FCSK: variants seen among roughly 807,000 people sequenced by gnomAD.
FCSK encodes the protein fucose kinase.
In FCSK, 123 loss-of-function variants were observed where a neutral mutation model predicts 122.5. The observed-to-expected ratio is 1.00, with a 90% CI of 0.87 to 1.17. The LOEUF is 1.17. Ranked by LOEUF, FCSK falls within the 50% of genes most tolerant of loss-of-function variation. FCSK has a pLI of 0.00. For synonymous variants in FCSK, 620 were observed against 625.5 expected, an observed-to-expected ratio of 0.99 and a Z score of 0.13; for missense variants, 1,366 against 1,450.4, an observed-to-expected ratio of 0.94 and a Z score of 0.95.
rs1159791773 is a variant in FCSK at position 70,474,286 on chromosome 16, C to T, written c.1935C>T (p.Asp645=). The change falls in exon 16 of 24, where the codon GAC becomes GAT. Residue 645 remains aspartate, a synonymous_variant. Coordinates refer to ENST00000288078, the MANE Select transcript of FCSK (RefSeq NM_145059.3). ...MRPFSYLECG[D]LAAGVEALAQ... is the part of the protein sequence containing the mutation. The stretch of plus-strand genomic sequence containing the variant: ...CCTTCTCATACCTGGAGTGTGGAGA[C>T]CTGGCAGCGGGCGTGGAGGCGCTTG... The T allele has an allele frequency of 1.9e-6, 3 of 1,613,422 alleles. No individual in the cohort carries two copies. Among genetic ancestry groups the T allele is most frequent in the Admixed American group, 3.3e-5 (2 of 59,978 alleles).
chr16:70,463,951 G>T (rs1162481928), intron 3 of FCSK, among the ~76,000 whole-genome samples, 177 bp downstream of exon 3: 1 of 152,198 alleles, frequency 6.6e-6, no homozygotes, highest in Non-Finnish European at 1.5e-5. Context: ...AGGGCAGAAG[G>T]CAGGGCCAGC....
At chr16:70,476,065 C>T (rs1443753929) in intron 20 of FCSK, 4 of 207,028 alleles carry the variant, frequency 1.9e-5, no homozygotes, top group Middle Eastern at 1.8e-3. Flanking sequence ...TGCAGTGGTG[C>T]GATCTCAGCT....
intron 6 of FCSK, 150 bp downstream of exon 6, chr16:70,467,104 G>C: frequency 1.3e-6 from 1 of 768,902 alleles, no homozygotes; most frequent in South Asian, 1.5e-5. Flanking sequence ...GCCTGGTGGA[G>C]GCAGGGCTTC....
intron 13 of FCSK, 117 bp downstream of exon 13, chr16:70,471,469 G>A (rs2048617413): frequency 9.3e-7 from 1 of 1,069,734 alleles, no homozygotes; most frequent in Admixed American, 2.7e-5. Context: ...GACAGGCTGT[G>A]AGGAGGGTCG....
Position 70,470,979 on chromosome 16 carries a change from G to T in FCSK, c.1077G>T (p.Gln359His). The T allele has an allele frequency of 6.3e-7, 1 of 1,587,624 alleles. No individual in the cohort carries two copies. Among genetic ancestry groups the T allele is most frequent in the Non-Finnish European group, 8.6e-7 (1 of 1,168,968 alleles). Reference protein sequence around the residue: ...QIVHSQVEEQQLLAAGSSVVS... With the variant: ...QIVHSQVEEQHLLAAGSSVVS... ...CCTACCTGGCTGCACAGGAGCAGCA[G>T]CTTCTGGCGGCCGGGAGCTCTGTGG... The change falls in exon 12 of 24, where the codon CAG becomes CAT. Residue 359 changes from glutamine (Q) to histidine (H), a missense_variant. By Grantham distance (24) the Gln-to-His change is conservative. Coordinates refer to ENST00000288078, the MANE Select transcript of FCSK (RefSeq NM_145059.3).
chr16:70,479,056 C>T (rs2048912833), intron 22 of FCSK, 124 bp from the exon 23 acceptor site: 1 of 768,084 alleles, frequency 1.3e-6, no homozygotes, highest in African/African-American at 1.7e-5. Context: ...CTCCAGCCGG[C>T]ACTGGAATCC....
At chr16:70,479,094 C>A in intron 22 of FCSK, 86 bp from the exon 23 acceptor site, 1 of 1,032,832 alleles carries the variant, frequency 9.7e-7, no homozygotes, top group Non-Finnish European at 1.4e-6. Context: ...ACTGGCTCAG[C>A]AGCACGTCTT....
rs773693610 is a variant in FCSK at position 70,468,932 on chromosome 16, C to A, written c.747C>A (p.Thr249=). 6.2e-7 allele frequency: 1 copy of A among 1,613,886 alleles called. No individual in the cohort carries two copies. The highest frequency in any genetic ancestry group is 2.2e-5 in the East Asian group (1 of 44,876). Residue 249 remains threonine (T), a synonymous_variant, in exon 9 of 24, where the codon ACC becomes ACA. Coordinates refer to ENST00000288078, the MANE Select transcript of FCSK (RefSeq NM_145059.3). ...THVSPPLDAC[T]YLGLDSGARP... is the part of the protein sequence containing the mutation. ...TGAGCCCGCCCCTGGATGCCTGCAC[C>A]TACCTAGGCTTGGACTCCGGAGCCC...
intron 20 of FCSK, among the ~76,000 whole-genome samples, chr16:70,476,622 T>A (rs1056831802): frequency 4.6e-5 from 7 of 151,834 alleles, no homozygotes; most frequent in Non-Finnish European, 8.8e-5. Context: ...CAGGTCCACC[T>A]CAGGGTGTCA....
rs112988649 is a variant in FCSK at position 70,464,811 on chromosome 16, A to G, written c.235-315A>G. Among the ~76,000 whole-genome samples, 34 of 151,956 alleles carry G rather than the reference A, an allele frequency of 2.2e-4. 1 individual carries two copies. Among genetic ancestry groups the G allele is most frequent in the South Asian group, 8.3e-4 (4 of 4,798 alleles). ...GAGGCTCGCTTGAGCCCAAGAGACC[A>G]AGGCTGCAGTGAGCTGGGATCATAC... On this transcript the variant is annotated intron_variant, in intron 3 of 23. Transcript: ENST00000288078.
intron 4 of FCSK, among the ~76,000 whole-genome samples, chr16:70,465,905 A>T (rs2048403466): frequency 6.6e-6 from 1 of 152,224 alleles, no homozygotes; most frequent in South Asian, 2.1e-4. Context: ...GTGAGCCAAG[A>T]TCGCACTACT....
intron 16 of FCSK, 94 bp downstream of exon 16, chr16:70,474,433 C>T: frequency 1.3e-6 from 2 of 1,550,662 alleles, no homozygotes; most frequent in East Asian, 4.8e-5. Flanking sequence ...GGTGGGGCTC[C>T]CTTGGGTACC....
chr16:70,473,035 A>T lies in FCSK; in HGVS notation c.1459A>T (p.Ser487Cys). ...ETLPAEYCLP[S>C]ARLFPVLHPS... ...GCTGCCCGCAGAGTACTGCCTTCCC[A>T]GCGCCCGCCTCTTTCCTGTGCTCCA... The change falls in exon 15 of 24, where the codon AGC becomes TGC. Residue 487 changes from serine (S) to cysteine (C), a missense_variant. Coordinates refer to ENST00000288078, the MANE Select transcript of FCSK (RefSeq NM_145059.3). The surrounding 1 kb of genome is among the most constrained non-coding windows in gnomAD (Gnocchi z 4.9). 1 of 1,591,156 alleles carries T rather than the reference A, an allele frequency of 6.3e-7. No individual in the cohort carries two copies. Among genetic ancestry groups the T allele is most frequent in the Non-Finnish European group, 8.5e-7 (1 of 1,169,714 alleles).
intron 7 of FCSK, 30 bp downstream of exon 7, chr16:70,467,501 T>C: frequency 6.5e-7 from 1 of 1,527,762 alleles, no homozygotes; most frequent in Non-Finnish European, 8.9e-7. Flanking sequence ...TGGAGCCGGC[T>C]GGGGCAGCCT....
Position 70,474,786 on chromosome 16 carries a change from A to G in FCSK, c.2156-4A>G, listed in dbSNP as rs534268717. The G allele has an allele frequency of 6.4e-7, 1 of 1,567,174 alleles. No individual in the cohort carries two copies. The highest frequency in any genetic ancestry group is 2.3e-5 in the East Asian group (1 of 42,588). On this transcript the variant is annotated splice_region_variant and splice_polypyrimidine_tract_variant and intron_variant, in intron 17 of 23. Transcript: ENST00000288078. ...CCAGCTTGAGTCTTGCCACACTGCC[A>G]TAGGGGGCTGGAGTGACACGCCACC...
At chr16:70,475,120 C>T in intron 18 of FCSK, 109 bp downstream of exon 18, 2 of 1,111,092 alleles carry the variant, frequency 1.8e-6, no homozygotes, top group Non-Finnish European at 2.5e-6. Flanking sequence ...GCCAGTCTGG[C>T]TGAGGAGCCT....
In FCSK at chr16:70,468,838, G is replaced by C. The variant is rs769979963; in HGVS notation, c.664-11G>C. ...GCCCTCCATCTCTGATCCTTTTGGG[G>C]TCCCTTCCAGGTCTCTGGGGTTGTC... On this transcript the variant is annotated splice_polypyrimidine_tract_variant and intron_variant, in intron 8 of 23. Coordinates refer to ENST00000288078, the MANE Select transcript of FCSK (RefSeq NM_145059.3). The C allele has an allele frequency of 1.2e-6, 2 of 1,613,970 alleles. No homozygotes were observed. The highest frequency in any genetic ancestry group is 2.2e-5 in the South Asian group (2 of 91,080).
rs369289613 is a variant in FCSK, at chr16:70,469,288, T to A, written c.920T>A (p.Leu307Gln). ...TATCTGCAGAGCGCCCGGGCCCAGC[T>A]GTGGAGGGAGCTTCGCGATCAGCCC... ...AGYLQSARAQ[L>Q]WRELRDQPLT... Residue 307 changes from leucine to glutamine, a missense_variant, in exon 10 of 24, where the codon CTG becomes CAG. Coordinates refer to ENST00000288078, the MANE Select transcript of FCSK (RefSeq NM_145059.3). The A allele has an allele frequency of 6.2e-7, 1 of 1,610,932 alleles. No homozygotes were observed. Among genetic ancestry groups the A allele is most frequent in the African/African-American group, 1.3e-5 (1 of 74,892 alleles).
intron 2 of FCSK, among the ~76,000 whole-genome samples, 167 bp downstream of exon 2, chr16:70,463,439 T>C (rs1301141516): frequency 6.6e-6 from 1 of 152,128 alleles, no homozygotes; most frequent in African/African-American, 2.4e-5. Flanking sequence ...GTGCCTTAGT[T>C]TTCTCATCTG....
Sources: gnomAD v4.1 joint callset for allele counts (sites outside exome capture counted in the v4.1 genomes callset) on GRCh38, gnomAD v4.1.1 for gene constraint, Gnocchi (gnomAD v3.1) non-coding constraint, MANE v1.5 for transcripts, NCBI Gene and HGNC (gene_info 2026-07-23, HGNC 2026-07-21) for gene names.